Variants in AP4E1 observed in about 807,000 individuals in gnomAD.
AP4E1 encodes the protein adaptor related protein complex 4 subunit epsilon 1.
AP4E1 carries 56 observed loss-of-function variants against 128.2 expected under a neutral mutation model. The observed-to-expected ratio is 0.44, with a 90% CI of 0.35 to 0.55. The LOEUF is 0.55. Among genes scored for constraint, AP4E1 ranks in the 20% least tolerant of loss-of-function variants. The probability of loss-of-function intolerance (pLI) is 0.00; values close to 1 mark genes in which losing one functional copy is unlikely to be tolerated. For synonymous variants in AP4E1, 484 were observed against 473.1 expected, an observed-to-expected ratio of 1.02 and a Z score of -0.30; for missense variants, 1,324 against 1,307.7, an observed-to-expected ratio of 1.01 and a Z score of -0.19.
In AP4E1 at chr15:50,997,803, A is replaced by G. The variant is rs751967885; in HGVS notation, c.2824A>G (p.Met942Val). The change falls in exon 18 of 21, where the codon ATG becomes GTG. Residue 942 changes from methionine (M) to valine (V), a missense_variant. Coordinates refer to ENST00000261842, the MANE Select transcript of AP4E1 (RefSeq NM_007347.5). The stretch of plus-strand genomic sequence containing the variant: ...AATTTGGAAAGATGATTGTTTATTG[A>G]TGGTCTGGTCAGTCACTAATAAGAG... The part of the protein sequence containing the change: ...YKIWKDDCLL[M>V]VWSVTNKSGL... The G allele has an allele frequency of 2.4e-5, 38 of 1,608,988 alleles. No individual in the cohort carries two copies. Among genetic ancestry groups the G allele is most frequent in the South Asian group, 8.8e-5 (8 of 90,558 alleles).
chr15:50,958,814 T>C lies in AP4E1; in HGVS notation c.1851+20T>C. 5 of 1,613,226 alleles carry C rather than the reference T, an allele frequency of 3.1e-6. No homozygotes were observed. Among genetic ancestry groups the C allele is most frequent in the Non-Finnish European group, 4.2e-6 (5 of 1,179,330 alleles). Reference sequence around the variant, plus strand: ...TTGGTGGTAAGACATTGGTGTTCCATCTTTTTAAAAATTGCGTTGTCATTA... The same window carrying C: ...TTGGTGGTAAGACATTGGTGTTCCACCTTTTTAAAAATTGCGTTGTCATTA... On this transcript the variant is annotated intron_variant, in intron 14 of 20. Coordinates refer to ENST00000261842, the MANE Select transcript of AP4E1 (RefSeq NM_007347.5).
rs114727956 is a variant in AP4E1 at position 50,951,281 on chromosome 15, C to T, written c.1548+1112C>T. 2.1e-3 allele frequency among the ~76,000 whole-genome samples: 325 copies of T among 152,328 alleles called. 2 individuals are homozygous for T. Among genetic ancestry groups the T allele is most frequent in the African/African-American group, 7.6e-3 (315 of 41,580 alleles). On this transcript the variant is annotated intron_variant, in intron 13 of 20. Coordinates refer to ENST00000261842, the MANE Select transcript of AP4E1 (RefSeq NM_007347.5). Reference sequence around the variant, plus strand: ...TGGTTGTTGGCAGAATTCATTTTCTCGTGGCTGAGTTTTTGTGACTGAGGG... The same window carrying T: ...TGGTTGTTGGCAGAATTCATTTTCTTGTGGCTGAGTTTTTGTGACTGAGGG...
chr15:50,955,052 A>G (rs1428947427), intron 13 of AP4E1, among the ~76,000 whole-genome samples: 2 of 152,198 alleles, frequency 1.3e-5, no homozygotes, highest in Non-Finnish European at 2.9e-5. Context: ...ATAGTATTCC[A>G]TGGTGTATAT....
intron 15 of AP4E1, among the ~76,000 whole-genome samples, chr15:50,973,890 T>C (rs2064517007): frequency 6.6e-6 from 1 of 152,206 alleles, no homozygotes. Context: ...AATGCTAATA[T>C]CTCTTTTGGA....
At chr15:50,953,953 G>A (rs138488097) in intron 13 of AP4E1, among the ~76,000 whole-genome samples, 1 of 152,194 alleles carries the variant, frequency 6.6e-6, no homozygotes, top group African/African-American at 2.4e-5. Flanking sequence ...AGTGGAAGAC[G>A]TGATCAGAAG....
chr15:50,962,889 CAAAAAAAA>C (rs71127168), intron 14 of AP4E1, among the ~76,000 whole-genome samples: 106 of 38,718 alleles, frequency 2.7e-3, no homozygotes, highest in African/African-American at 0.011. Flanking sequence ...AATTCAACAG[CAAAAAAAA>C]AAAAAAAAAA....
At chr15:50,973,665 G>T (rs1231341313) in intron 15 of AP4E1, among the ~76,000 whole-genome samples, 2 of 152,084 alleles carry the variant, frequency 1.3e-5, no homozygotes, top group South Asian at 2.1e-4. Context: ...GTGGACCCAT[G>T]CAATATTTTT....
intron 18 of AP4E1, 45 bp downstream of exon 18, chr15:50,997,928 G>T (rs1473247977): frequency 2.0e-6 from 3 of 1,467,996 alleles, no homozygotes; most frequent in Non-Finnish European, 2.8e-6. Flanking sequence ...TGTATATTTT[G>T]TGTTCTCTTT....
intron 16 of AP4E1, among the ~76,000 whole-genome samples, chr15:50,986,379 T>G (rs1303603026): frequency 2.0e-5 from 3 of 152,254 alleles, no homozygotes; most frequent in Non-Finnish European, 2.9e-5. Flanking sequence ...CATCCCTGTC[T>G]TGTGCCACTT....
rs780732312 is a variant in AP4E1 at position 50,912,039 on chromosome 15, G to C, written c.151-39G>C. On this transcript the variant is annotated intron_variant, in intron 1 of 20. Coordinates refer to ENST00000261842, the MANE Select transcript of AP4E1 (RefSeq NM_007347.5). ...GATAAATGCTGTTACAGTTTTAAAAGACAGTTAATCAAGCATTTAAATATT... is the reference window on the plus strand; with the variant it reads ...GATAAATGCTGTTACAGTTTTAAAACACAGTTAATCAAGCATTTAAATATT... The C allele has an allele frequency of 5.4e-6, 8 of 1,479,852 alleles. No individual in the cohort carries two copies. The East Asian group carries it at 1.8e-4, about 33-fold the overall frequency. The allele number at this position is 1,479,852 out of a possible 1,614,324, so 91.7% of individuals were successfully genotyped here. A position where few individuals can be genotyped will look rare whatever the true frequency, so the allele number is the denominator to read the frequency against.
At chr15:50,987,418 C>T (rs1364869786) in intron 16 of AP4E1, among the ~76,000 whole-genome samples, 3 of 152,122 alleles carry the variant, frequency 2.0e-5, no homozygotes, top group Non-Finnish European at 2.9e-5. Flanking sequence ...TAGATCTTTC[C>T]TGCTTTCTCT....
chr15:50,939,297 AC>A (rs2063951300), intron 8 of AP4E1, among the ~76,000 whole-genome samples: 1 of 152,072 alleles, frequency 6.6e-6, no homozygotes, highest in Non-Finnish European at 1.5e-5. Context: ...ACATGGTGAA[AC>A]CCTGTCTCTA....
chr15:50,971,421 A>G (rs1256858329), intron 15 of AP4E1, among the ~76,000 whole-genome samples: 3 of 152,124 alleles, frequency 2.0e-5, no homozygotes, highest in Non-Finnish European at 4.4e-5. Context: ...TGTGCCACAA[A>G]AAGGACCTGC....
At chr15:50,932,630 T>C (rs922637268) in intron 7 of AP4E1, among the ~76,000 whole-genome samples, 1 of 152,212 alleles carries the variant, frequency 6.6e-6, no homozygotes, top group Non-Finnish European at 1.5e-5. Flanking sequence ...TACCTTTGTA[T>C]TCTAATGTTT....
In AP4E1 at chr15:50,984,142, A is replaced by G. The variant is rs1432148052; in HGVS notation, c.2087A>G (p.Lys696Arg). 2 of 1,613,086 alleles carry G rather than the reference A, an allele frequency of 1.2e-6. No individual in the cohort carries two copies. Among genetic ancestry groups the G allele is most frequent in the East Asian group, 2.2e-5 (1 of 44,844 alleles). The part of the protein sequence containing the change: ...VSGNSAETGL[K>R]ETNSLKLEGI... ...GGGAATAGTGCTGAGACAGGACTGA[A>G]AGAGTAAGTTCATTTCTTATTAAAA... Residue 696 changes from lysine to arginine, a missense_variant, in exon 16 of 21, where the codon AAA (lysine) becomes AGA (arginine). Lys to Arg is a conservative substitution (Grantham distance 26, BLOSUM62 2). Coordinates refer to ENST00000261842, the MANE Select transcript of AP4E1 (RefSeq NM_007347.5).
Position 50,966,531 on chromosome 15 carries a change from C to CT in AP4E1, c.1852-1710dup, listed in dbSNP as rs11329556. 6.0e-3 allele frequency among the ~76,000 whole-genome samples: 576 copies of CT among 96,338 alleles called. 6 individuals are homozygous for CT. The highest frequency in any genetic ancestry group is 0.018 in the East Asian group (49 of 2,796). The allele number at this position is 96,338 out of a possible 152,430, so 63.2% of individuals were successfully genotyped here. ...ATAGCCTCAGCCTCATCTCAAGAAT[C>CT]TTTTTTTTTTTTTTTTTTTTTTGAG... On this transcript the variant is annotated intron_variant, in intron 14 of 20. Coordinates refer to ENST00000261842, the MANE Select transcript of AP4E1 (RefSeq NM_007347.5).
chr15:50,948,339 C>CTTTTTTT (rs66467957), intron 11 of AP4E1, among the ~76,000 whole-genome samples, 180 bp downstream of exon 11: 3 of 122,054 alleles, frequency 2.5e-5, no homozygotes, highest in Non-Finnish European at 3.4e-5. Flanking sequence ...TAGGAGATGG[C>CTTTTTTT]TTTTTTTTTT....
At chr15:50,961,684 G>T (rs1043101026) in intron 14 of AP4E1, among the ~76,000 whole-genome samples, 1 of 151,886 alleles carries the variant, frequency 6.6e-6, no homozygotes, top group South Asian at 2.1e-4. Flanking sequence ...CTTCCTCTAA[G>T]AATTGGAAAA....
chr15:51,000,009 C>T (rs2064939115), intron 19 of AP4E1, among the ~76,000 whole-genome samples: 9 of 152,100 alleles, frequency 5.9e-5, no homozygotes, highest in Admixed American at 3.3e-4. Flanking sequence ...ATGTATTGTA[C>T]TGTTTTTGAA....
Sources: allele counts gnomAD v4.1 joint callset (sites outside exome capture counted in the v4.1 genomes callset), GRCh38; gene constraint gnomAD v4.1.1; transcripts MANE v1.5; gene names NCBI Gene and HGNC (gene_info 2026-07-23, HGNC 2026-07-21).